Variants in TMEM132D observed in about 807,000 individuals in gnomAD.
TMEM132D encodes transmembrane protein 132D.
In TMEM132D, 21 loss-of-function variants were observed where a neutral mutation model predicts 62.3. The observed-to-expected ratio is 0.34, with a 90% CI of 0.24 to 0.49. The LOEUF (loss-of-function observed/expected upper bound fraction) is 0.49. Among genes scored for constraint, TMEM132D ranks in the 20% least tolerant of loss-of-function variants. The pLI is 0.99. For missense variants in TMEM132D, 1,346 were observed against 1,402.8 expected (o/e 0.96, Z 0.65); for synonymous variants, 621 against 575.6 (o/e 1.08, Z -1.13).
intron 2 of TMEM132D, among the ~76,000 whole-genome samples, chr12:129,689,641 C>A (rs1177476661): frequency 6.6e-6 from 1 of 152,182 alleles, no homozygotes; most frequent in Admixed American, 6.5e-5. Flanking sequence ...TTCTTCTAAG[C>A]CAATTAGCTT....
At chr12:129,776,009 A>C (rs76513584) in intron 1 of TMEM132D, among the ~76,000 whole-genome samples, 2,418 of 152,112 alleles carry the variant, frequency 0.016, 57 homozygotes, top group African/African-American at 0.056. Context: ...CGGTGAAAAA[A>C]CAAGATTCAG....
intron 1 of TMEM132D, among the ~76,000 whole-genome samples, chr12:129,781,311 TCAGA>T (rs1174732700): frequency 6.6e-6 from 1 of 152,138 alleles, no homozygotes; most frequent in Non-Finnish European, 1.5e-5. Flanking sequence ...AAACACCCAA[TCAGA>T]CAGGCACTGC....
chr12:129,246,064 C>A (rs530221547), intron 4 of TMEM132D, among the ~76,000 whole-genome samples: 1 of 152,004 alleles, frequency 6.6e-6, no homozygotes. Context: ...GCCCACTTCA[C>A]AGCATCCACT....
At chr12:129,650,272 G>T (rs1421792794) in intron 2 of TMEM132D, among the ~76,000 whole-genome samples, 4 of 152,162 alleles carry the variant, frequency 2.6e-5, no homozygotes, top group Non-Finnish European at 5.9e-5. Flanking sequence ...TATTATGTTT[G>T]TGATATTGAT....
chr12:129,302,296 G>A (rs1281371413), intron 4 of TMEM132D, among the ~76,000 whole-genome samples: 2 of 152,156 alleles, frequency 1.3e-5, no homozygotes, highest in African/African-American at 2.4e-5. Flanking sequence ...TGTAGTTTTC[G>A]TAGAGATGGG....
intron 5 of TMEM132D, among the ~76,000 whole-genome samples, chr12:129,087,902 C>A (rs375461275): frequency 0.068 from 3,902 of 57,046 alleles, 630 homozygotes; most frequent in African/African-American, 0.3. Context: ...GGTGTCCTCC[C>A]TGACCGGGGT....
intron 4 of TMEM132D, among the ~76,000 whole-genome samples, chr12:129,291,995 C>A (rs940891843): frequency 4.6e-5 from 7 of 151,924 alleles, no homozygotes; most frequent in African/African-American, 1.5e-4. Context: ...GGGCAGGAAG[C>A]CTTTTCATAT....
intron 2 of TMEM132D, among the ~76,000 whole-genome samples, chr12:129,607,590 G>A (rs1286095677): frequency 6.6e-6 from 1 of 152,108 alleles, no homozygotes; most frequent in African/African-American, 2.4e-5. Flanking sequence ...AAATTCCAAG[G>A]GCTTAGAGGC....
intron 3 of TMEM132D, among the ~76,000 whole-genome samples, chr12:129,457,798 A>T (rs755718581): frequency 6.6e-6 from 1 of 152,120 alleles, no homozygotes. Flanking sequence ...ATGAGAACTC[A>T]CTCACTATCA....
At chr12:129,232,614 T>C (rs1241893569) in intron 4 of TMEM132D, among the ~76,000 whole-genome samples, 1 of 152,148 alleles carries the variant, frequency 6.6e-6, no homozygotes, top group Non-Finnish European at 1.5e-5. Flanking sequence ...GAACGATTAC[T>C]ATTTGCCCCA....
intron 5 of TMEM132D, among the ~76,000 whole-genome samples, chr12:129,141,385 A>G (rs1180331476): frequency 6.6e-6 from 1 of 152,222 alleles, no homozygotes; most frequent in Non-Finnish European, 1.5e-5. Flanking sequence ...TTATAAGTTA[A>G]AATAAAAGGT....
At position 129,209,565 on chromosome 12, in the gene TMEM132D, C is replaced by T. The variant is rs779149797; in HGVS notation, c.1398G>A (p.Leu466=). The part of the protein sequence containing the change: ...SVEDDGTVTE[L]LESVECRSSD... Reference sequence around the variant, plus strand: ...ACGATCTACACTCCACAGACTCCAGCAGCTCTGTCACTGTGCCGTCGTCCT... The same window carrying T: ...ACGATCTACACTCCACAGACTCCAGTAGCTCTGTCACTGTGCCGTCGTCCT... The change falls in exon 5 of 9, where the codon CTG becomes CTA. Residue 466 remains leucine (L), a synonymous_variant. Coordinates refer to ENST00000422113, the MANE Select transcript of TMEM132D (RefSeq NM_133448.3). The T allele has an allele frequency of 2.5e-6, 4 of 1,614,192 alleles. No homozygotes were observed. The South Asian group carries it at 4.4e-5, about 18-fold the overall frequency.
At chr12:129,414,736 A>G (rs989637231) in intron 3 of TMEM132D, among the ~76,000 whole-genome samples, 1 of 152,204 alleles carries the variant, frequency 6.6e-6, no homozygotes, top group Non-Finnish European at 1.5e-5. Context: ...CATGCCACAC[A>G]TTACATCTCC....
intron 5 of TMEM132D, among the ~76,000 whole-genome samples, chr12:129,139,404 G>C (rs1045172663): frequency 6.6e-6 from 1 of 152,170 alleles, no homozygotes; most frequent in Non-Finnish European, 1.5e-5. Context: ...TCAGACACCA[G>C]CCACAAACCC....
chr12:129,115,366 G>A (rs1875862642), intron 5 of TMEM132D, among the ~76,000 whole-genome samples: 1 of 152,152 alleles, frequency 6.6e-6, no homozygotes, highest in Admixed American at 6.5e-5. Flanking sequence ...ATGGGAGAGT[G>A]TCTCTATCAA....
chr12:129,507,818 C>T (rs1005607640), intron 3 of TMEM132D, among the ~76,000 whole-genome samples: 4 of 152,150 alleles, frequency 2.6e-5, no homozygotes, highest in Non-Finnish European at 4.4e-5. Context: ...AGAACTTACT[C>T]ATGTAACCAA....
intron 3 of TMEM132D, among the ~76,000 whole-genome samples, chr12:129,372,226 T>A (rs1436895247): frequency 6.6e-6 from 1 of 152,188 alleles, no homozygotes. Flanking sequence ...GAGACTGACT[T>A]CAGATTTCTG....
chr12:129,529,386 C>T (rs1443922845), intron 3 of TMEM132D, among the ~76,000 whole-genome samples: 1 of 152,208 alleles, frequency 6.6e-6, no homozygotes, highest in African/African-American at 2.4e-5. Flanking sequence ...ATTCTGGAAG[C>T]CTCTGGAACT....
Position 129,903,093 on chromosome 12 carries a change from T to G in TMEM132D, c.79+168A>C, listed in dbSNP as rs1412045058. Among the ~76,000 whole-genome samples, 2 of 152,208 alleles carry G rather than the reference T, an allele frequency of 1.3e-5. No homozygotes were observed. Among genetic ancestry groups the G allele is most frequent in the African/African-American group, 4.8e-5 (2 of 41,466 alleles). ...CCAAGGGGCGTCCGAGGAGCTTGGC[T>G]GCCGCACGAGCGCACGTTCACACGC... On this transcript the variant is annotated intron_variant, in intron 1 of 8. Transcript: ENST00000422113. This position sits in a 1 kb window ranked among gnomAD's most constrained non-coding sequence, Gnocchi z 6.2.
Sources: allele counts gnomAD v4.1 joint callset (sites outside exome capture counted in the v4.1 genomes callset), GRCh38; gene constraint gnomAD v4.1.1; non-coding constraint Gnocchi (gnomAD v3.1); transcripts MANE v1.5; gene names NCBI Gene and HGNC (gene_info 2026-07-23, HGNC 2026-07-21).